Variants in SLC1A2 observed in about 807,000 individuals in gnomAD.
The protein encoded by SLC1A2 is excitatory amino acid transporter 2.
A neutral mutation model predicts 48.8 loss-of-function variants in SLC1A2; 15 were observed. The observed-to-expected ratio is 0.31, with a 90% confidence interval of 0.21 to 0.47. The LOEUF is 0.47. Ranked by LOEUF, SLC1A2 falls within the 20% of genes least tolerant of loss-of-function variation. The pLI, the probability that SLC1A2 is intolerant of heterozygous loss-of-function variation, is 0.99. For missense variants in SLC1A2, 502 were observed against 730.5 expected, an observed-to-expected ratio of 0.69 and a Z score of 3.61; for synonymous variants, 279 against 272.6, an observed-to-expected ratio of 1.02 and a Z score of -0.23.
chr11:35,347,455 C>G (rs755724965), intron 1 of SLC1A2, among the ~76,000 whole-genome samples: 1 of 152,218 alleles, frequency 6.6e-6, no homozygotes, highest in Non-Finnish European at 1.5e-5. Context: ...GTCCAAATCA[C>G]TGATAGTGGC....
chr11:35,408,321 C>G (rs1330816039), intron 1 of SLC1A2, among the ~76,000 whole-genome samples: 1 of 152,176 alleles, frequency 6.6e-6, no homozygotes, highest in African/African-American at 2.4e-5. Flanking sequence ...TGTCCCCACC[C>G]AAATCTCAAC....
chr11:35,332,623 C>T (rs1444440535), intron 1 of SLC1A2, among the ~76,000 whole-genome samples: 1 of 152,184 alleles, frequency 6.6e-6, no homozygotes, highest in Non-Finnish European at 1.5e-5. Context: ...GATCTCTGGA[C>T]TCAAATATAT....
upstream of SLC1A2, chr11:35,419,928 A>G (rs1855735513): frequency 2.1e-6 from 1 of 469,466 alleles, no homozygotes; most frequent in Non-Finnish European, 4.4e-6. The surrounding 1 kb of genome is among the most constrained non-coding windows in gnomAD (Gnocchi z 5.4). Context: ...ACAGGCAGGC[A>G]CACCCACCCC....
At chr11:35,314,320 C>G (rs1851797438) in intron 3 of SLC1A2, among the ~76,000 whole-genome samples, 1 of 152,170 alleles carries the variant, frequency 6.6e-6, no homozygotes, top group Admixed American at 6.5e-5. Context: ...ATGCCAATCT[C>G]CCTCAATTCC....
intron 9 of SLC1A2, among the ~76,000 whole-genome samples, chr11:35,275,025 T>C (rs1850396932): frequency 6.6e-6 from 1 of 152,204 alleles, no homozygotes; most frequent in Admixed American, 6.5e-5. Flanking sequence ...TCCCTGGAGA[T>C]TGCATCATCA....
At position 35,260,291 on chromosome 11, in the gene SLC1A2, G is replaced by A. The variant is rs918736097; in HGVS notation, c.*603C>T. ...TTTAATCAACTGCCTTTAAGAGCAT[G>A]GCTCCCTTTAAAACTGTCTTTGAAA... On this transcript the variant is annotated 3_prime_UTR_variant, in exon 11 of 11. Coordinates refer to ENST00000278379, the MANE Select transcript of SLC1A2 (RefSeq NM_004171.4). 6.6e-6 allele frequency: 1 copy of A among 152,488 alleles called. No homozygotes were observed. The highest frequency in any genetic ancestry group is 1.9e-4 in the East Asian group (1 of 5,204). The allele number at this position is 152,488 out of a possible 1,614,324, so 9.4% of individuals were successfully genotyped here. A position where few individuals can be genotyped will look rare whatever the true frequency, so the allele number is the denominator to read the frequency against.
chr11:35,317,749 T>C (rs1851930473), intron 1 of SLC1A2, among the ~76,000 whole-genome samples: 1 of 152,178 alleles, frequency 6.6e-6, no homozygotes, highest in African/African-American at 2.4e-5. Context: ...GGTAGGATCT[T>C]CCAAAGAGTT....
chr11:35,262,387 G>T (rs1197858163), intron 10 of SLC1A2, among the ~76,000 whole-genome samples: 1 of 152,180 alleles, frequency 6.6e-6, no homozygotes, highest in Non-Finnish European at 1.5e-5. Flanking sequence ...TGGGACAGCA[G>T]ATTTTTTTGG....
Position 35,254,911 on chromosome 11 carries a change from G to A in SLC1A2, c.*5983C>T, listed in dbSNP as rs993679943. On this transcript the variant is annotated 3_prime_UTR_variant, in exon 11 of 11. Coordinates refer to ENST00000278379, the MANE Select transcript of SLC1A2 (RefSeq NM_004171.4). ...GGACATAGAAAAAAACTGATCAGTA[G>A]TTATTCAGGATATTATTTAGGATAA... 6 of 410,288 alleles carry A rather than the reference G, an allele frequency of 1.5e-5. No individual in the cohort carries two copies. The highest frequency in any genetic ancestry group is 4.2e-5 in the African/African-American group (2 of 48,008). The allele number at this position is 410,288 out of a possible 1,614,324, so 25.4% of individuals were successfully genotyped here.
Position 35,255,979 on chromosome 11 carries a change from T to C in SLC1A2, c.*4915A>G, listed in dbSNP as rs1950310290. ...GGGCTACTTCAACTTAAAATGTAAA[T>C]AGGTCACATTTTATAGTAGGAAGCC... On this transcript the variant is annotated 3_prime_UTR_variant, in exon 11 of 11. Coordinates refer to ENST00000278379, the MANE Select transcript of SLC1A2 (RefSeq NM_004171.4). 2 of 152,168 alleles carry C rather than the reference T, an allele frequency of 1.3e-5. No individual in the cohort carries two copies. Among genetic ancestry groups the C allele is most frequent in the African/African-American group, 4.8e-5 (2 of 41,444 alleles). 9.4% of individuals were successfully genotyped at this position (152,168 alleles called of 1,614,324 possible).
intron 1 of SLC1A2, among the ~76,000 whole-genome samples, chr11:35,357,404 G>A (rs1022925779): frequency 1.7e-4 from 26 of 152,158 alleles, no homozygotes; most frequent in Admixed American, 7.9e-4. Context: ...GACAACATGA[G>A]AGCAGTATTA....
chr11:35,379,322 T>A (rs748943352), intron 1 of SLC1A2, among the ~76,000 whole-genome samples: 12 of 152,264 alleles, frequency 7.9e-5, no homozygotes, highest in Non-Finnish European at 1.3e-4. Flanking sequence ...CTGCTACTGT[T>A]ATTACTAATA....
chr11:35,254,825 A>G lies in SLC1A2; in HGVS notation c.*6069T>C, dbSNP rs1378587084. ...AAAAGGGCCCTGTGTAAAAACCAGA[A>G]GGATTTTGTAAAATATCAAAATGAA... On this transcript the variant is annotated 3_prime_UTR_variant, in exon 11 of 11. Transcript: ENST00000278379. 8.8e-6 allele frequency: 4 copies of G among 455,632 alleles called. No individual in the cohort carries two copies. The East Asian group carries it at 2.8e-4, about 32-fold the overall frequency. The allele number at this position is 455,632 out of a possible 1,614,324, so 28.2% of individuals were successfully genotyped here. A position where few individuals can be genotyped will look rare whatever the true frequency, so the allele number is the denominator to read the frequency against.
At chr11:35,409,674 C>T (rs1472711965) in intron 1 of SLC1A2, among the ~76,000 whole-genome samples, 4 of 152,102 alleles carry the variant, frequency 2.6e-5, no homozygotes, top group Non-Finnish European at 5.9e-5. Flanking sequence ...TTTGGGAGGC[C>T]TAGGCGGATG....
chr11:35,410,569 C>A (rs1855427595), intron 1 of SLC1A2, among the ~76,000 whole-genome samples: 1 of 152,086 alleles, frequency 6.6e-6, no homozygotes. Flanking sequence ...ATCCCTTTCC[C>A]CCCACATTCA....
intron 1 of SLC1A2, among the ~76,000 whole-genome samples, chr11:35,334,670 GA>G (rs1565253338): frequency 6.6e-6 from 1 of 151,156 alleles, no homozygotes; most frequent in Admixed American, 6.6e-5. Context: ...CCCAAGATTA[GA>G]ACTCTCTAGA....
At chr11:35,379,505 G>C (rs1854352851) in intron 1 of SLC1A2, among the ~76,000 whole-genome samples, 1 of 152,172 alleles carries the variant, frequency 6.6e-6, no homozygotes, top group Non-Finnish European at 1.5e-5. Flanking sequence ...TATTCCTCGG[G>C]AGAGATCACC....
rs934675819 is a variant in SLC1A2, at chr11:35,256,509, A to G, written c.*4385T>C. The G allele has an allele frequency of 2.0e-5, 3 of 152,608 alleles. No homozygotes were observed. The highest frequency in any genetic ancestry group is 4.8e-5 in the African/African-American group (2 of 41,454). The allele number at this position is 152,608 out of a possible 1,614,324, so 9.5% of individuals were successfully genotyped here. A position where few individuals can be genotyped will look rare whatever the true frequency, so the allele number is the denominator to read the frequency against. On this transcript the variant is annotated 3_prime_UTR_variant, in exon 11 of 11. Coordinates refer to ENST00000278379, the MANE Select transcript of SLC1A2 (RefSeq NM_004171.4). ...GTGCCACCTGCTTGGATTGGCACTC[A>G]GTGATCCCTCTAGGCTTAACCAGAA... is the stretch of plus-strand genomic sequence containing the variant.
intron 9 of SLC1A2, among the ~76,000 whole-genome samples, chr11:35,273,983 T>C (rs965913325): frequency 3.9e-5 from 6 of 152,022 alleles, no homozygotes; most frequent in African/African-American, 1.4e-4. Context: ...AGGAGAGGGG[T>C]GTCCAGAGAG....
Sources: allele counts gnomAD v4.1 joint callset (sites outside exome capture counted in the v4.1 genomes callset), GRCh38; gene constraint gnomAD v4.1.1; non-coding constraint Gnocchi (gnomAD v3.1); transcripts MANE v1.5; gene names NCBI Gene and HGNC (gene_info 2026-07-23, HGNC 2026-07-21).